CEP85L: variants seen among roughly 807,000 people sequenced by gnomAD.
CEP85L encodes the protein centrosomal protein 85L.
Under a neutral mutation model 100.3 loss-of-function variants are expected in CEP85L, and 60 were observed. The observed-to-expected ratio is 0.60, with a 90% CI of 0.49 to 0.74. The LOEUF is 0.74. Ranked by LOEUF, CEP85L falls within the 30% of genes least tolerant of loss-of-function variation. The pLI is 0.00. For synonymous variants in CEP85L, 319 were observed against 322.7 expected, an observed-to-expected ratio of 0.99 and a Z score of 0.12; for missense variants, 973 against 936.2, an observed-to-expected ratio of 1.04 and a Z score of -0.51.
chr6:118,677,471 G>A lies in CEP85L; in HGVS notation c.-27-24663C>T, dbSNP rs190963179. On this transcript the variant is annotated intron_variant, in intron 1 of 13. Transcript: ENST00000368488. ...AGTATGGAGATCTGACAATTTTAGC[G>A]CAGAACAGTGAAACTGAGCTCATTC... is the stretch of plus-strand genomic sequence containing the variant. Among the ~76,000 whole-genome samples, 6 of 152,166 alleles carry A rather than the reference G, an allele frequency of 3.9e-5. No individual in the cohort carries two copies. In the East Asian group the frequency reaches 9.7e-4, roughly 24 times the overall value.
At position 118,687,774 on chromosome 6, in the gene CEP85L, G is replaced by A. The variant is rs377034439; in HGVS notation, c.-28+22262C>T. ...TCGCCGTCCACCACTGCTGTTTGCC[G>A]CCGTTGCAGACCCACGACTGACTTC... On this transcript the variant is annotated intron_variant, in intron 1 of 13. Coordinates refer to the CEP85L transcript ENST00000368488. 3.9e-5 allele frequency among the ~76,000 whole-genome samples: 6 copies of A among 152,282 alleles called. 1 individual carries two copies. The highest frequency in any genetic ancestry group is 1.4e-4 in the African/African-American group (6 of 41,568).
At chr6:118,600,223 G>A (rs7754293) in intron 2 of CEP85L, among the ~76,000 whole-genome samples, 84,924 of 122,672 alleles carry the variant, frequency 0.69, 30,642 homozygotes, top group Non-Finnish European at 0.74. Flanking sequence ...AACAGAATAT[G>A]GAAAGAAGAA....
chr6:118,694,704 G>A (rs903769908), intron 1 of CEP85L, among the ~76,000 whole-genome samples: 1 of 152,114 alleles, frequency 6.6e-6, no homozygotes, highest in African/African-American at 2.4e-5. Context: ...AGAAATAAAG[G>A]TACATAAATA....
intron 5 of CEP85L, chr6:118,501,878 G>A (rs1049152107): frequency 7.8e-7 from 1 of 1,275,710 alleles, no homozygotes; most frequent in Admixed American, 2.1e-5. Context: ...TCCCAGCAAA[G>A]AAAATAAAAA....
At chr6:118,540,078 A>C (rs975926532) in intron 3 of CEP85L, among the ~76,000 whole-genome samples, 9 of 150,204 alleles carry the variant, frequency 6.0e-5, no homozygotes, top group African/African-American at 2.2e-4. Context: ...AAATCTCCAG[A>C]GTCCAGTTCA....
chr6:118,639,639 A>T (rs1385081675), intron 1 of CEP85L, among the ~76,000 whole-genome samples: 1 of 152,244 alleles, frequency 6.6e-6, no homozygotes, highest in Non-Finnish European at 1.5e-5. Context: ...CATTTAATAA[A>T]TTATATTAAC....
intron 5 of CEP85L, among the ~76,000 whole-genome samples, chr6:118,508,671 C>T (rs1690279041): frequency 6.6e-6 from 1 of 151,876 alleles, no homozygotes; most frequent in African/African-American, 2.4e-5. Context: ...AGTATGTTTT[C>T]CATCTATAAA....
intron 10 of CEP85L, among the ~76,000 whole-genome samples, chr6:118,476,708 TCA>T (rs750365933): frequency 3.3e-5 from 5 of 152,216 alleles, no homozygotes; most frequent in Non-Finnish European, 4.4e-5. Context: ...ACAGACTGTG[TCA>T]CAGTTTTGAG....
At position 118,465,046 on chromosome 6, in the gene CEP85L, C is replaced by G. The variant is rs1321600789; in HGVS notation, c.*359G>C. Reference sequence around the variant, plus strand: ...ATAAAGCACGTGCACACACACACAACAACACACATACATGCACACACAAAC... The same window carrying G: ...ATAAAGCACGTGCACACACACACAAGAACACACATACATGCACACACAAAC... On this transcript the variant is annotated 3_prime_UTR_variant, in exon 13 of 13. Coordinates refer to ENST00000368491, the MANE Select transcript of CEP85L (RefSeq NM_001042475.3). 1 of 175,754 alleles carries G rather than the reference C, an allele frequency of 5.7e-6. No individual in the cohort carries two copies. The highest frequency in any genetic ancestry group is 2.4e-5 in the African/African-American group (1 of 41,960). The allele number at this position is 175,754 out of a possible 1,614,324, so 10.9% of individuals were successfully genotyped here.
At chr6:118,537,753 T>C (rs776106413) in intron 3 of CEP85L, 21 of 985,398 alleles carry the variant, frequency 2.1e-5, no homozygotes, top group Non-Finnish European at 2.4e-5. Flanking sequence ...GATAATCCAG[T>C]GCTACCACAC....
rs555525726 is a variant in CEP85L at position 118,527,755 on chromosome 6, T to C, written c.1021-3835A>G. 4.6e-5 allele frequency among the ~76,000 whole-genome samples: 7 copies of C among 152,322 alleles called. No individual in the cohort carries two copies. The South Asian group carries it at 1.5e-3, about 32-fold the overall frequency. On this transcript the variant is annotated intron_variant, in intron 3 of 12. Coordinates refer to ENST00000368491, the MANE Select transcript of CEP85L (RefSeq NM_001042475.3). The stretch of plus-strand genomic sequence containing the variant: ...ATGTGGTGAATTATTAAATCTGCTA[T>C]AATTTATAATACTAATATTTCATTT...
At chr6:118,575,095 A>G (rs1423905893) in intron 2 of CEP85L, among the ~76,000 whole-genome samples, 1 of 152,088 alleles carries the variant, frequency 6.6e-6, no homozygotes. Flanking sequence ...GGGTGCAAGA[A>G]ATTTCTATTA....
chr6:118,659,403 T>C (rs1583235127), intron 1 of CEP85L, among the ~76,000 whole-genome samples: 1 of 152,348 alleles, frequency 6.6e-6, no homozygotes, highest in East Asian at 1.9e-4. Flanking sequence ...GGTACTTTTT[T>C]CCATTACAGT....
intron 2 of CEP85L, among the ~76,000 whole-genome samples, chr6:118,598,822 C>G (rs1186985924): frequency 2.6e-5 from 4 of 152,246 alleles, no homozygotes; most frequent in Admixed American, 1.3e-4. Flanking sequence ...GTTAACAGTT[C>G]TGAACCTGCT....
intron 10 of CEP85L, among the ~76,000 whole-genome samples, chr6:118,475,126 A>G (rs1181143937): frequency 6.6e-6 from 1 of 152,200 alleles, no homozygotes; most frequent in African/African-American, 2.4e-5. Flanking sequence ...TTTGTATGAA[A>G]TGTTTAAAAT....
In CEP85L at chr6:118,611,907, TCAAA is replaced by T. The variant is rs531872377; in HGVS notation, c.232+20542_232+20545del. Among the ~76,000 whole-genome samples, 52 of 152,272 alleles carry T rather than the reference TCAAA, an allele frequency of 3.4e-4. 1 individual carries two copies. The East Asian group carries it at 9.6e-3, about 28-fold the overall frequency. On this transcript the variant is annotated intron_variant, in intron 2 of 12. Coordinates refer to ENST00000368491, the MANE Select transcript of CEP85L (RefSeq NM_001042475.3). ...AATCTATAATTATATTTGTAGACTT[TCAAA>T]CACTCCTCTTTCAACAACTGATAGA...
intron 2 of CEP85L, among the ~76,000 whole-genome samples, chr6:118,587,393 G>A (rs1780926615): frequency 1.3e-5 from 2 of 152,158 alleles, no homozygotes; most frequent in African/African-American, 4.8e-5. Flanking sequence ...AAGTAGTGGG[G>A]AAGAACCATA....
intron 1 of CEP85L, among the ~76,000 whole-genome samples, chr6:118,699,350 G>A (rs1023750262): frequency 2.0e-5 from 3 of 151,934 alleles, no homozygotes; most frequent in Middle Eastern, 6.8e-3. Flanking sequence ...AGCTACTCAG[G>A]AGCCTGAGGT....
chr6:118,663,832 C>A, intron 1 of CEP85L, among the ~76,000 whole-genome samples: 1 of 151,908 alleles, frequency 6.6e-6, no homozygotes, highest in East Asian at 1.9e-4. Flanking sequence ...AGGGTACTTA[C>A]AATACCTAAC....
Sources: allele counts gnomAD v4.1 joint callset (sites outside exome capture counted in the v4.1 genomes callset), GRCh38; gene constraint gnomAD v4.1.1; transcripts MANE v1.5; gene names NCBI Gene and HGNC (gene_info 2026-07-23, HGNC 2026-07-21).